The following SEMA3C variants were observed in gnomAD, a reference collection of about 807,000 sequenced individuals.
SEMA3C encodes semaphorin-3C.
SEMA3C carries 47 observed loss-of-function variants against 89.4 expected under a neutral mutation model. The observed-to-expected ratio is 0.53, with a 90% confidence interval of 0.42 to 0.67. The LOEUF is 0.67. SEMA3C is among the 30% of genes least tolerant of loss of function. The pLI is 0.00. For synonymous variants in SEMA3C, 310 were observed against 320.2 expected, an observed-to-expected ratio of 0.97 and a Z score of 0.34; for missense variants, 839 against 929.1, an observed-to-expected ratio of 0.90 and a Z score of 1.26.
intron 2 of SEMA3C, among the ~76,000 whole-genome samples, chr7:80,895,069 C>T (rs1444825933): frequency 6.6e-6 from 1 of 152,152 alleles, no homozygotes; most frequent in Non-Finnish European, 1.5e-5. Context: ...TGATTTCTTC[C>T]TTACTGATTT....
chr7:80,903,111 G>A (rs973132239), intron 2 of SEMA3C, among the ~76,000 whole-genome samples: 2 of 152,050 alleles, frequency 1.3e-5, no homozygotes, highest in African/African-American at 2.4e-5. Context: ...TTGCAGTCAC[G>A]CATCCCTTAA....
chr7:80,799,404 A>T (rs1204733163), intron 10 of SEMA3C, among the ~76,000 whole-genome samples: 2 of 152,176 alleles, frequency 1.3e-5, no homozygotes, highest in Non-Finnish European at 2.9e-5. Flanking sequence ...GAATATGCCT[A>T]CTATAAAATT....
intron 2 of SEMA3C, among the ~76,000 whole-genome samples, chr7:80,900,320 A>T (rs1161783444): frequency 1.3e-5 from 2 of 151,994 alleles, no homozygotes; most frequent in Admixed American, 1.3e-4. Context: ...TCAACATGTT[A>T]GCTAGGATGG....
chr7:80,817,646 T>C (rs1789640492), intron 5 of SEMA3C, among the ~76,000 whole-genome samples: 1 of 145,984 alleles, frequency 6.9e-6, no homozygotes, highest in South Asian at 2.1e-4. Context: ...TTGACTAGTG[T>C]TTAGCAAACA....
chr7:80,883,032 T>G (rs1381427988), intron 2 of SEMA3C, among the ~76,000 whole-genome samples: 1 of 152,136 alleles, frequency 6.6e-6, no homozygotes, highest in Non-Finnish European at 1.5e-5. Flanking sequence ...CCTGAATCTC[T>G]GAGGAAACAC....
intron 4 of SEMA3C, among the ~76,000 whole-genome samples, chr7:80,824,120 A>G (rs1378149517): frequency 6.6e-6 from 1 of 152,194 alleles, no homozygotes; most frequent in East Asian, 1.9e-4. Context: ...TGATACAACC[A>G]AAAAATCTGA....
At chr7:80,865,037 C>A (rs1790893041) in intron 2 of SEMA3C, among the ~76,000 whole-genome samples, 2 of 152,078 alleles carry the variant, frequency 1.3e-5, no homozygotes, top group South Asian at 4.1e-4. Flanking sequence ...GAAATGATTT[C>A]TTAAATGTTT....
intron 15 of SEMA3C, among the ~76,000 whole-genome samples, chr7:80,754,957 G>GTTTTTTTTTTGTTTTTTTGTTT (rs1449995090): frequency 1.2e-4 from 13 of 108,388 alleles, no homozygotes; most frequent in Non-Finnish European, 1.3e-4. Flanking sequence ...GTTTTTTTTT[G>GTTTTTTTTTTGTTTTTTTGTTT]TTTTTTTTTT....
chr7:80,774,708 C>G (rs1359477317), intron 12 of SEMA3C, among the ~76,000 whole-genome samples: 4 of 152,012 alleles, frequency 2.6e-5, no homozygotes, highest in Admixed American at 2.6e-4. Context: ...AGAAGGTGAA[C>G]AGACCCTCTT....
chr7:80,783,365 C>T (rs1049432776), intron 12 of SEMA3C, among the ~76,000 whole-genome samples: 4 of 152,126 alleles, frequency 2.6e-5, no homozygotes, highest in African/African-American at 9.7e-5. Flanking sequence ...ATTCAGCCAT[C>T]GTTCCACTCT....
intron 11 of SEMA3C, chr7:80,793,642 A>G (rs1001604723): frequency 8.6e-6 from 3 of 349,638 alleles, no homozygotes; most frequent in African/African-American, 4.4e-5. Context: ...AAACAAGTTT[A>G]TAACAGTGGA....
At chr7:80,880,653 G>C (rs1051654436) in intron 2 of SEMA3C, among the ~76,000 whole-genome samples, 5 of 152,180 alleles carry the variant, frequency 3.3e-5, no homozygotes, top group Non-Finnish European at 7.3e-5. Context: ...GGCTGGGAGT[G>C]GTGGCTCACG....
chr7:80,767,471 T>C (rs1788330714), intron 12 of SEMA3C, among the ~76,000 whole-genome samples: 1 of 152,226 alleles, frequency 6.6e-6, no homozygotes. Flanking sequence ...CATATAATCA[T>C]GCCACTCTAC....
chr7:80,839,862 T>C (rs1416901691), intron 2 of SEMA3C, among the ~76,000 whole-genome samples: 3 of 151,954 alleles, frequency 2.0e-5, no homozygotes, highest in African/African-American at 2.4e-5. Context: ...GAACCACATA[T>C]GGAAAGAGTC....
chr7:80,918,746 A>G (rs989223191), intron 1 of SEMA3C, 82 bp downstream of exon 1: 20 of 824,218 alleles, frequency 2.4e-5, no homozygotes, highest in Non-Finnish European at 2.9e-5. Context: ...TGAGCATACC[A>G]ATGTATGAAA....
chr7:80,775,683 CT>C (rs967952015), intron 12 of SEMA3C, among the ~76,000 whole-genome samples: 10 of 151,578 alleles, frequency 6.6e-5, no homozygotes, highest in African/African-American at 2.4e-4. Flanking sequence ...TATGGTGGTG[CT>C]TTTTTTTACA....
intron 12 of SEMA3C, among the ~76,000 whole-genome samples, chr7:80,786,327 C>T (rs2115563152): frequency 6.6e-6 from 1 of 151,770 alleles, no homozygotes; most frequent in Admixed American, 6.6e-5. Flanking sequence ...TTCATAATGG[C>T]TTAAAATTCC....
chr7:80,810,729 G>A (rs777941072), intron 5 of SEMA3C, 28 bp from the exon 6 acceptor site: 1 of 1,525,236 alleles, frequency 6.6e-7, no homozygotes, highest in Non-Finnish European at 9.1e-7. Flanking sequence ...TTTAAAATGT[G>A]GCAATGATAA....
intron 2 of SEMA3C, among the ~76,000 whole-genome samples, chr7:80,898,861 A>AG (rs1791805461): frequency 6.6e-6 from 1 of 151,798 alleles, no homozygotes; most frequent in East Asian, 1.9e-4. Flanking sequence ...TGTTGGTCAT[A>AG]GTAGTGGCTT....
Sources: gnomAD v4.1 joint callset for allele counts (sites outside exome capture counted in the v4.1 genomes callset) on GRCh38, gnomAD v4.1.1 for gene constraint, MANE v1.5 for transcripts, NCBI Gene and HGNC (gene_info 2026-07-23, HGNC 2026-07-21) for gene names.